The following MARCHF11 variants were observed in gnomAD, a reference collection of about 807,000 sequenced individuals.
The protein encoded by MARCHF11 is E3 ubiquitin-protein ligase MARCHF11.
A neutral mutation model predicts 37.3 loss-of-function variants in MARCHF11; 29 were observed. The ratio of observed to expected loss-of-function variants is 0.78; its 90% CI spans 0.58 to 1.06. The LOEUF (loss-of-function observed/expected upper bound fraction) is 1.06, where lower values mean the gene tolerates loss of function less well. MARCHF11 is among the 50% of genes least tolerant of loss of function. The pLI is 0.00. For synonymous variants in MARCHF11, 233 were observed against 228.0 expected, an observed-to-expected ratio of 1.02 and a Z score of -0.20; for missense variants, 482 against 533.4, an observed-to-expected ratio of 0.90 and a Z score of 0.95.
At chr5:16,084,301 A>G (rs962867560) in intron 3 of MARCHF11, among the ~76,000 whole-genome samples, 1 of 152,230 alleles carries the variant, frequency 6.6e-6, no homozygotes, top group African/African-American at 2.4e-5. Context: ...TAGATATATT[A>G]TCAAATAGGA....
intron 3 of MARCHF11, 139 bp from the exon 4 acceptor site, chr5:16,067,932 A>G: frequency 2.6e-6 from 2 of 773,104 alleles, no homozygotes; most frequent in Non-Finnish European, 4.0e-6. Context: ...GTTTACTCAA[A>G]TATTATGGCT....
chr5:16,161,682 G>A (rs1738079896), intron 2 of MARCHF11, among the ~76,000 whole-genome samples: 1 of 151,890 alleles, frequency 6.6e-6, no homozygotes, highest in African/African-American at 2.4e-5. Context: ...TTCAAATGGA[G>A]TCTGGAAGCC....
intron 2 of MARCHF11, among the ~76,000 whole-genome samples, chr5:16,096,353 T>C (rs1007159418): frequency 2.5e-4 from 38 of 152,256 alleles, no homozygotes; most frequent in African/African-American, 8.9e-4. Context: ...CAAGGAGTTA[T>C]ATCTCTTTAA....
At chr5:16,120,505 C>A (rs1370665002) in intron 2 of MARCHF11, among the ~76,000 whole-genome samples, 1 of 152,236 alleles carries the variant, frequency 6.6e-6, no homozygotes, top group African/African-American at 2.4e-5. Context: ...CTCTGCTTCA[C>A]ACGCTCAGAT....
chr5:16,154,103 C>T (rs1213604242), intron 2 of MARCHF11, among the ~76,000 whole-genome samples: 6 of 151,956 alleles, frequency 3.9e-5, no homozygotes, highest in Admixed American at 3.3e-4. Context: ...GAAAGAAATT[C>T]TGACCTTTTC....
At chr5:16,109,859 C>T (rs1737107680) in intron 2 of MARCHF11, among the ~76,000 whole-genome samples, 1 of 152,146 alleles carries the variant, frequency 6.6e-6, no homozygotes. Flanking sequence ...GAAAATCCCC[C>T]ACATGCCTAG....
In MARCHF11 at chr5:16,078,808, C is replaced by T. The variant is rs139768036; in HGVS notation, c.887-11015G>A. 3.8e-3 allele frequency among the ~76,000 whole-genome samples: 577 copies of T among 152,228 alleles called. 2 individuals are homozygous for T. Among genetic ancestry groups the T allele is most frequent in the Non-Finnish European group, 6.0e-3 (411 of 68,006 alleles). On this transcript the variant is annotated intron_variant, in intron 3 of 3. Transcript: ENST00000332432. ...CTGCTTTCTCTTCCAAGGAAAGCCTCCCATTCCCATGTTGATTTGGCCTCT... is the reference window on the plus strand; with the variant it reads ...CTGCTTTCTCTTCCAAGGAAAGCCTTCCATTCCCATGTTGATTTGGCCTCT...
At chr5:16,090,420 AG>A (rs1368380749) in intron 3 of MARCHF11, among the ~76,000 whole-genome samples, 1 of 152,156 alleles carries the variant, frequency 6.6e-6, no homozygotes, top group Non-Finnish European at 1.5e-5. Flanking sequence ...TAACCTTCCA[AG>A]GGGTCCCTTT....
chr5:16,091,639 C>A (rs1412402580), intron 2 of MARCHF11, among the ~76,000 whole-genome samples: 1 of 152,130 alleles, frequency 6.6e-6, no homozygotes, highest in Non-Finnish European at 1.5e-5. Flanking sequence ...TTGGTACATT[C>A]CATATACTCA....
intron 2 of MARCHF11, among the ~76,000 whole-genome samples, chr5:16,162,705 G>A (rs929579050): frequency 6.6e-6 from 1 of 151,680 alleles, no homozygotes; most frequent in African/African-American, 2.4e-5. Flanking sequence ...TTCATTCCCA[G>A]TGACTAGAAT....
intron 2 of MARCHF11, among the ~76,000 whole-genome samples, chr5:16,169,383 G>A (rs549023020): frequency 1.3e-5 from 2 of 152,104 alleles, no homozygotes; most frequent in South Asian, 2.1e-4. Context: ...GAACTCTATC[G>A]TTATAAGGAA....
chr5:16,177,909 ATCTGTG>A (rs773584892), intron 1 of MARCHF11, 28 bp from the exon 2 acceptor site: 176 of 1,579,110 alleles, frequency 1.1e-4, no homozygotes, highest in Non-Finnish European at 1.4e-4. Context: ...CAGTGTGAAT[ATCTGTG>A]TCTGTGTCTC....
At chr5:16,108,380 C>T (rs937872478) in intron 2 of MARCHF11, among the ~76,000 whole-genome samples, 5 of 152,210 alleles carry the variant, frequency 3.3e-5, no homozygotes, top group Non-Finnish European at 7.3e-5. Flanking sequence ...GCGAGGGGGG[C>T]CAGGGAACTC....
chr5:16,173,576 G>T (rs1738308900), intron 2 of MARCHF11, among the ~76,000 whole-genome samples: 1 of 152,138 alleles, frequency 6.6e-6, no homozygotes, highest in Non-Finnish European at 1.5e-5. Context: ...CATTCATCAT[G>T]GATGTCAACT....
Position 16,179,318 on chromosome 5 carries a change from G to A in MARCHF11, c.258C>T (p.Pro86=). 8.1e-7 allele frequency: 1 copy of A among 1,239,156 alleles called. No homozygotes were observed. Among genetic ancestry groups the A allele is most frequent in the Non-Finnish European group, 1.0e-6 (1 of 991,650 alleles). 76.8% of individuals were successfully genotyped at this position (1,239,156 alleles called of 1,614,324 possible). A position where few individuals can be genotyped will look rare whatever the true frequency, so the allele number is the denominator to read the frequency against. The change falls in exon 1 of 4, where the codon CCC becomes CCT. Residue 86 remains proline, a synonymous_variant. Coordinates refer to ENST00000332432, the MANE Select transcript of MARCHF11 (RefSeq NM_001102562.3). ...CRGADELPPP[P]LPLQPAGQEV... Reference sequence around the variant, plus strand: ...CCTGGCCGGCGGGCTGCAGGGGCAGGGGCGGAGGCGGCAGCTCGTCCGCTC... The same window carrying A: ...CCTGGCCGGCGGGCTGCAGGGGCAGAGGCGGAGGCGGCAGCTCGTCCGCTC...
intron 2 of MARCHF11, among the ~76,000 whole-genome samples, chr5:16,147,546 C>T (rs781578615): frequency 4.6e-5 from 7 of 152,236 alleles, no homozygotes; most frequent in Admixed American, 1.3e-4. Flanking sequence ...GTTCTAGACA[C>T]GGCCTGGGCA....
rs564110818 is a variant in MARCHF11 at position 16,133,163 on chromosome 5, C to T, written c.694-42082G>A. Among the ~76,000 whole-genome samples, 3 of 152,102 alleles carry T rather than the reference C, an allele frequency of 2.0e-5. No homozygotes were observed. In the South Asian group the frequency reaches 6.2e-4, roughly 32 times the overall value. On this transcript the variant is annotated intron_variant, in intron 2 of 3. Transcript: ENST00000332432. ...CTTGATCTATGCCCTTTGTAACATA[C>T]AAAATTTGCAGTTCCTCCCACTAAG... is the stretch of plus-strand genomic sequence containing the variant.
In MARCHF11 at chr5:16,167,765, T is replaced by G. The variant is rs368667578; in HGVS notation, c.693+9961A>C. Among the ~76,000 whole-genome samples, 210 of 152,224 alleles carry G rather than the reference T, an allele frequency of 1.4e-3. 4 individuals are homozygous for G. The South Asian group carries it at 0.034, about 25-fold the overall frequency. ...CTTGCTTTTCTTCCGTTCCTTACTA[T>G]TGATAATTTAAGTTCTAGAAGCAGA... On this transcript the variant is annotated intron_variant, in intron 2 of 3. Transcript: ENST00000332432.
At chr5:16,152,570 T>C (rs996189433) in intron 2 of MARCHF11, among the ~76,000 whole-genome samples, 3 of 151,896 alleles carry the variant, frequency 2.0e-5, no homozygotes, top group African/African-American at 7.2e-5. Flanking sequence ...AAATCAGACA[T>C]CCATTTCTTA....
Sources: gnomAD v4.1 joint callset for allele counts (sites outside exome capture counted in the v4.1 genomes callset) on GRCh38, gnomAD v4.1.1 for gene constraint, MANE v1.5 for transcripts, NCBI Gene and HGNC (gene_info 2026-07-23, HGNC 2026-07-21) for gene names.